CTSH: variants seen among roughly 807,000 people sequenced by gnomAD.
The protein encoded by CTSH is cathepsin H, also known as pro-cathepsin H.
A neutral mutation model predicts 56.3 loss-of-function variants in CTSH; 52 were observed. The observed-to-expected ratio is 0.92, with a 90% confidence interval of 0.74 to 1.16. CTSH has a LOEUF of 1.16. Ranked by LOEUF, CTSH falls within the 50% of genes most tolerant of loss-of-function variation. The pLI is 0.00. For missense variants in CTSH, 406 were observed against 424.5 expected, an observed-to-expected ratio of 0.96 and a Z score of 0.38; for synonymous variants, 174 against 155.7, an observed-to-expected ratio of 1.12 and a Z score of -0.88.
chr15:78,923,983 C>G (rs980983906), intron 10 of CTSH, among the ~76,000 whole-genome samples: 2 of 151,876 alleles, frequency 1.3e-5, no homozygotes, highest in African/African-American at 4.8e-5. Flanking sequence ...CCCTTGGAAG[C>G]CCTGTTTGGC....
chr15:78,928,777 G>A (rs1177959859), intron 8 of CTSH, among the ~76,000 whole-genome samples: 1 of 152,054 alleles, frequency 6.6e-6, no homozygotes, highest in Non-Finnish European at 1.5e-5. Flanking sequence ...CGACACAGAT[G>A]GGCCAAGGGA....
chr15:78,930,065 G>T (rs1196025639), intron 7 of CTSH, among the ~76,000 whole-genome samples: 1 of 152,206 alleles, frequency 6.6e-6, no homozygotes, highest in Admixed American at 6.5e-5. Flanking sequence ...CGCACCGCCT[G>T]ACCTAGTCTA....
intron 11 of CTSH, 44 bp downstream of exon 11, chr15:78,922,949 G>C: frequency 1.3e-6 from 2 of 1,583,348 alleles, no homozygotes; most frequent in Non-Finnish European, 1.7e-6. Flanking sequence ...CTCCAGGCCT[G>C]AGCAACATCC....
At chr15:78,923,715 C>T (rs1334715626) in intron 10 of CTSH, among the ~76,000 whole-genome samples, 2 of 152,202 alleles carry the variant, frequency 1.3e-5, no homozygotes, top group African/African-American at 2.4e-5. Context: ...CCTGCTGCAC[C>T]TTCTGTAGGC....
At chr15:78,924,262 C>T (rs924118418) in intron 10 of CTSH, among the ~76,000 whole-genome samples, 2 of 152,092 alleles carry the variant, frequency 1.3e-5, no homozygotes, top group Non-Finnish European at 2.9e-5. Flanking sequence ...GAGGGAGGAC[C>T]AGATCATGAG....
intron 8 of CTSH, among the ~76,000 whole-genome samples, chr15:78,928,192 C>A (rs2054956005): frequency 6.6e-6 from 1 of 152,046 alleles, no homozygotes; most frequent in Non-Finnish European, 1.5e-5. Flanking sequence ...GAGAAGGCAG[C>A]AGGACAAGGG....
At chr15:78,941,449 AAT>A (rs1413346231) in intron 1 of CTSH, among the ~76,000 whole-genome samples, 4 of 146,500 alleles carry the variant, frequency 2.7e-5, no homozygotes, top group Admixed American at 6.9e-5. Flanking sequence ...AAAAAAAAAA[AAT>A]TAAATGTTTT....
At chr15:78,929,523 C>G (rs769204202) in intron 7 of CTSH, 30 bp from the exon 8 acceptor site, 2 of 1,541,800 alleles carry the variant, frequency 1.3e-6, no homozygotes, top group South Asian at 2.3e-5. Flanking sequence ...GTGAGCCCAC[C>G]TGGGGCTGTC....
At chr15:78,936,175 CTTTTCTT>C (rs1375896511) in intron 3 of CTSH, among the ~76,000 whole-genome samples, 15 of 130,808 alleles carry the variant, frequency 1.1e-4, no homozygotes, top group African/African-American at 3.9e-4. Flanking sequence ...TTTTTCTTTT[CTTTTCTT>C]TTTTTTTTTT....
intron 10 of CTSH, 45 bp downstream of exon 10, chr15:78,925,289 A>G (rs2289695): frequency 0.1 from 131,303 of 1,275,324 alleles, 7,706 homozygotes; most frequent in East Asian, 0.28. Context: ...AGGCCCACCA[A>G]GCCCCTCCCC....
intron 11 of CTSH, 72 bp downstream of exon 11, chr15:78,922,921 A>G: frequency 6.6e-7 from 1 of 1,524,598 alleles, no homozygotes; most frequent in Non-Finnish European, 8.8e-7. Flanking sequence ...TCTGAGGTGG[A>G]AGTGATGCCC....
At chr15:78,930,614 T>C (rs2055034362) in intron 7 of CTSH, among the ~76,000 whole-genome samples, 1 of 151,924 alleles carries the variant, frequency 6.6e-6, no homozygotes, top group Non-Finnish European at 1.5e-5. Flanking sequence ...AATGTCAGAC[T>C]CTTGTTATGG....
chr15:78,943,627 T>A (rs140509268), intron 1 of CTSH, among the ~76,000 whole-genome samples: 1 of 152,342 alleles, frequency 6.6e-6, no homozygotes, highest in East Asian at 1.9e-4. Context: ...AAAAATCCCT[T>A]GAAACTGAAA....
chr15:78,929,354 G>C, intron 8 of CTSH, 58 bp downstream of exon 8: 1 of 1,302,352 alleles, frequency 7.7e-7, no homozygotes, highest in Non-Finnish European at 1.1e-6. Context: ...GGCTGGGGAG[G>C]GAGTGAAGCT....
intron 9 of CTSH, 163 bp from the exon 10 acceptor site, chr15:78,925,603 C>G: frequency 1.7e-6 from 1 of 575,044 alleles, no homozygotes; most frequent in South Asian, 1.9e-5. Flanking sequence ...CTGGCTGGGT[C>G]TGTCTGGCCA....
chr15:78,934,205 C>A (rs923046127), intron 5 of CTSH, among the ~76,000 whole-genome samples: 1 of 152,164 alleles, frequency 6.6e-6, no homozygotes, highest in Non-Finnish European at 1.5e-5. Flanking sequence ...TAAAGCTGTG[C>A]TGCATGGATG....
At chr15:78,939,394 T>C (rs982638959) in intron 1 of CTSH, among the ~76,000 whole-genome samples, 1 of 152,204 alleles carries the variant, frequency 6.6e-6, no homozygotes, top group African/African-American at 2.4e-5. Context: ...GTCAATGGTG[T>C]TGAAAGTCAG....
intron 8 of CTSH, among the ~76,000 whole-genome samples, chr15:78,928,564 C>CAAAA (rs869261525): frequency 4.3e-4 from 28 of 65,756 alleles, no homozygotes; most frequent in South Asian, 5.6e-4. Context: ...GACTCCGTCT[C>CAAAA]AAAAAAAAAA....
At chr15:78,927,417 C>A (rs962986740) in intron 9 of CTSH, 2 of 469,226 alleles carry the variant, frequency 4.3e-6, no homozygotes, top group African/African-American at 2.0e-5. Context: ...ATACCCTCTT[C>A]TGCAGGATGC....
Sources: allele counts gnomAD v4.1 joint callset (sites outside exome capture counted in the v4.1 genomes callset), GRCh38; gene constraint gnomAD v4.1.1; transcripts MANE v1.5; gene names NCBI Gene and HGNC (gene_info 2026-07-23, HGNC 2026-07-21).